The following DIP2A variants were observed in gnomAD, a reference collection of about 807,000 sequenced individuals.
DIP2A encodes the protein disco-interacting protein 2 homolog A.
In DIP2A, 85 loss-of-function variants were observed where a neutral mutation model predicts 177.4. The observed-to-expected ratio is 0.48, with a 90% CI of 0.40 to 0.57. DIP2A has a LOEUF of 0.57. DIP2A is among the 20% of genes least tolerant of loss of function. The pLI, the probability that DIP2A is intolerant of heterozygous loss-of-function variation, is 0.00. For missense variants in DIP2A, 1,791 were observed against 2,100.2 expected (o/e 0.85, Z 2.88); for synonymous variants, 886 against 881.8 (o/e 1.00, Z -0.08).
chr21:46,567,183 A>C (rs2060861688), intron 37 of DIP2A, among the ~76,000 whole-genome samples, 187 bp from the exon 38 acceptor site: 2 of 152,234 alleles, frequency 1.3e-5, no homozygotes, highest in Non-Finnish European at 2.9e-5. Flanking sequence ...ATTCTCAGTA[A>C]AAGCTTTAGT....
At chr21:46,495,244 T>TTCTCTTCTTTCTCTCTCTCTCTC (rs2057275285) in intron 3 of DIP2A, among the ~76,000 whole-genome samples, 1 of 38,210 alleles carries the variant, frequency 2.6e-5, no homozygotes, top group Non-Finnish European at 4.9e-5. Flanking sequence ...CTTCTCTTCT[T>TTCTCTTCTTTCTCTCTCTCTCTC]TCTCTCTCTC....
chr21:46,538,695 T>G (rs2059675208), intron 16 of DIP2A, 93 bp downstream of exon 16: 4 of 1,478,804 alleles, frequency 2.7e-6, no homozygotes, highest in Admixed American at 2.1e-5. Flanking sequence ...TGGAGGCATT[T>G]TCACTGCCAT....
rs1221479832 is a variant in DIP2A, at chr21:46,484,773, A to G, written c.108A>G (p.Lys36=). 2 of 1,578,100 alleles carry G rather than the reference A, an allele frequency of 1.3e-6. No individual in the cohort carries two copies. The highest frequency in any genetic ancestry group is 2.3e-5 in the East Asian group (1 of 43,718). The change falls in exon 2 of 38, where the codon AAA becomes AAG. Residue 36 remains lysine (K), a synonymous_variant. Coordinates refer to ENST00000417564, the MANE Select transcript of DIP2A (RefSeq NM_015151.4). ...TTGTTTTAGGTGACATCACTCAAAAAGGATATGAAAAGAAAAGGGCAAAGC... is the reference window on the plus strand; with the variant it reads ...TTGTTTTAGGTGACATCACTCAAAAGGGATATGAAAAGAAAAGGGCAAAGC... The part of the protein sequence containing the change: ...LELSEGDITQ[K]GYEKKRAKLL...
chr21:46,534,068 G>A lies in DIP2A; in HGVS notation c.1494G>A (p.Trp498Ter). The change falls in exon 12 of 38, where the codon TGG becomes TGA. Residue 498 changes from tryptophan (W) to a stop codon, truncating the protein, a stop_gained. Coordinates refer to ENST00000417564, the MANE Select transcript of DIP2A (RefSeq NM_015151.4). LOFTEE classifies it high-confidence loss of function. ...GKHLAKPPKDWHPLAQDTGTG... is the reference protein window; with the variant it reads ...GKHLAKPPKD ...ATCTAGCCAAGCCCCCAAAGGACTGGCACCCTCTGGCCCAGGACACAGGGA... is the reference window on the plus strand; with the variant it reads ...ATCTAGCCAAGCCCCCAAAGGACTGACACCCTCTGGCCCAGGACACAGGGA... 1 of 1,613,870 alleles carries A rather than the reference G, an allele frequency of 6.2e-7. No individual in the cohort carries two copies. Among genetic ancestry groups the A allele is most frequent in the Non-Finnish European group, 8.5e-7 (1 of 1,179,846 alleles).
intron 2 of DIP2A, among the ~76,000 whole-genome samples, chr21:46,485,266 G>A (rs2056610241): frequency 2.0e-5 from 3 of 152,012 alleles, no homozygotes; most frequent in South Asian, 2.1e-4. Flanking sequence ...GTAACTTAAC[G>A]AGTTAGTTCT....
At position 46,554,150 on chromosome 21, in the gene DIP2A, T is replaced by TAACC; in HGVS notation, c.3031-19_3031-18insAACC. ...TGCACGCACCAGCATACAGATGAGC[T>TAACC]CAAAGATCGCTTTCCTAGGGCACCG... On this transcript the variant is annotated intron_variant, in intron 25 of 37. Coordinates refer to ENST00000417564, the MANE Select transcript of DIP2A (RefSeq NM_015151.4). 1 of 1,608,784 alleles carries TAACC rather than the reference T, an allele frequency of 6.2e-7. No homozygotes were observed. Among genetic ancestry groups the TAACC allele is most frequent in the Non-Finnish European group, 8.5e-7 (1 of 1,176,766 alleles).
In DIP2A at chr21:46,563,828, T is replaced by C; in HGVS notation, c.4090-30T>C. The stretch of plus-strand genomic sequence containing the variant: ...AGAGAGTCTCGTGTCATGTTTTCTT[T>C]AACAAGGGACATAGCTCTCCTCCTT... On this transcript the variant is annotated intron_variant, in intron 34 of 37. Coordinates refer to ENST00000417564, the MANE Select transcript of DIP2A (RefSeq NM_015151.4). This position sits in a 1 kb window ranked among gnomAD's most constrained non-coding sequence, Gnocchi z 4.3. 2 of 1,609,916 alleles carry C rather than the reference T, an allele frequency of 1.2e-6. No individual in the cohort carries two copies. The highest frequency in any genetic ancestry group is 1.7e-6 in the Non-Finnish European group (2 of 1,178,630).
intron 6 of DIP2A, among the ~76,000 whole-genome samples, chr21:46,508,194 C>T (rs564879104): frequency 2.0e-5 from 3 of 151,734 alleles, no homozygotes; most frequent in Non-Finnish European, 2.9e-5. Context: ...CCACCACATC[C>T]AGATAATTTT....
At chr21:46,551,130 G>A (rs1267887635) in intron 23 of DIP2A, among the ~76,000 whole-genome samples, 5 of 152,148 alleles carry the variant, frequency 3.3e-5, no homozygotes, top group Admixed American at 6.5e-5. Context: ...GTGTGGCCTC[G>A]GAAATCTCTC....
chr21:46,559,753 C>G (rs895840616), intron 32 of DIP2A, among the ~76,000 whole-genome samples: 1 of 152,212 alleles, frequency 6.6e-6, no homozygotes, highest in Non-Finnish European at 1.5e-5. Flanking sequence ...CTGTGTTTCT[C>G]ATGTGGCTGC....
At chr21:46,535,290 A>T (rs1220785154) in intron 13 of DIP2A, among the ~76,000 whole-genome samples, 1 of 150,400 alleles carries the variant, frequency 6.6e-6, no homozygotes, top group Non-Finnish European at 1.5e-5. Flanking sequence ...ATAAGTACTA[A>T]TTGTATATAT....
intron 3 of DIP2A, among the ~76,000 whole-genome samples, chr21:46,494,593 G>GTACA (rs2148499930): frequency 6.6e-6 from 1 of 152,300 alleles, no homozygotes; most frequent in South Asian, 2.1e-4. Flanking sequence ...TTACAACTTG[G>GTACA]TACAGGAAAG....
chr21:46,483,339 CAA>C (rs201918287), intron 1 of DIP2A, among the ~76,000 whole-genome samples: 60 of 138,208 alleles, frequency 4.3e-4, no homozygotes, highest in South Asian at 1.2e-3. Flanking sequence ...ACACTAAATG[CAA>C]AAAAAAAAAA....
chr21:46,473,458 GA>G (rs143205698), intron 1 of DIP2A, among the ~76,000 whole-genome samples: 7,777 of 129,670 alleles, frequency 0.06, 589 homozygotes, highest in African/African-American at 0.17. Context: ...ATGTCTCAGG[GA>G]AAAAAAAAGG....
At chr21:46,573,433 G>T (rs769276552), downstream of DIP2A, among the ~76,000 whole-genome samples, 1 of 151,796 alleles carries the variant, frequency 6.6e-6, no homozygotes, top group Non-Finnish European at 1.5e-5. Context: ...GCTGAGGCAG[G>T]TGGTTTTCTT....
At position 46,567,531 on chromosome 21, in the gene DIP2A, T is replaced by C; in HGVS notation, c.4625T>C (p.Ile1542Thr). 1 of 1,613,810 alleles carries C rather than the reference T, an allele frequency of 6.2e-7. No individual in the cohort carries two copies. The highest frequency in any genetic ancestry group is 8.5e-7 in the Non-Finnish European group (1 of 1,179,846). Residue 1542 changes from isoleucine (I) to threonine (T), a missense_variant, in exon 38 of 38, where the codon ATC becomes ACC. Coordinates refer to ENST00000417564, the MANE Select transcript of DIP2A (RefSeq NM_015151.4). ...ATCGTGGACCCAGGGGTGATCCCTA[T>C]CAACTCTCGGGGTGAGAAGCAGCGC... is the stretch of plus-strand genomic sequence containing the variant. ...VVIVDPGVIP[I>T]NSRGEKQRMH...
At chr21:46,482,795 C>T (rs2056437338) in intron 1 of DIP2A, among the ~76,000 whole-genome samples, 1 of 152,144 alleles carries the variant, frequency 6.6e-6, no homozygotes, top group South Asian at 2.1e-4. Flanking sequence ...CATCTGTGAT[C>T]CTAAGTGAGA....
intron 8 of DIP2A, among the ~76,000 whole-genome samples, chr21:46,519,527 C>G (rs2058728724): frequency 6.6e-6 from 1 of 152,162 alleles, no homozygotes. Context: ...GATGACATTC[C>G]TGCCTAACTA....
chr21:46,552,397 G>A (rs1452980194), intron 25 of DIP2A, among the ~76,000 whole-genome samples: 1 of 152,180 alleles, frequency 6.6e-6, no homozygotes, highest in African/African-American at 2.4e-5. Context: ...CCTGTTGTGT[G>A]CATTCCACTG....
Sources: allele counts gnomAD v4.1 joint callset (sites outside exome capture counted in the v4.1 genomes callset), GRCh38; gene constraint gnomAD v4.1.1; non-coding constraint Gnocchi (gnomAD v3.1); transcripts MANE v1.5; gene names NCBI Gene and HGNC (gene_info 2026-07-23, HGNC 2026-07-21).